Variants in NPAS2 observed in about 807,000 individuals in gnomAD.
The protein encoded by NPAS2 is neuronal PAS domain protein 2, also known as neuronal PAS domain-containing protein 2.
A neutral mutation model predicts 107.5 loss-of-function variants in NPAS2; 23 were observed. The observed-to-expected ratio is 0.21, with a 90% CI of 0.15 to 0.30. NPAS2 has a LOEUF of 0.30. NPAS2 is among the 10% of genes least tolerant of loss of function. NPAS2 has a pLI of 1.00. For missense variants in NPAS2, 756 were observed against 1,043.3 expected, an observed-to-expected ratio of 0.72 and a Z score of 3.79; for synonymous variants, 403 against 417.5, an observed-to-expected ratio of 0.97 and a Z score of 0.42.
intron 2 of NPAS2, among the ~76,000 whole-genome samples, chr2:100,913,515 G>C (rs1415496496): frequency 6.6e-6 from 1 of 152,198 alleles, no homozygotes; most frequent in Non-Finnish European, 1.5e-5. Flanking sequence ...AAGCCTGATA[G>C]ACGTTATGGA....
At chr2:100,842,539 T>G (rs1413283750) in intron 1 of NPAS2, among the ~76,000 whole-genome samples, 1 of 152,074 alleles carries the variant, frequency 6.6e-6, no homozygotes, top group Non-Finnish European at 1.5e-5. Context: ...GAAAGGGCCC[T>G]TTTCCCTGAC....
At chr2:100,831,953 C>G (rs998949558) in intron 1 of NPAS2, among the ~76,000 whole-genome samples, 1 of 152,036 alleles carries the variant, frequency 6.6e-6, no homozygotes, top group Admixed American at 6.6e-5. Flanking sequence ...TCATTTACCC[C>G]CTAGCATGCT....
At chr2:100,938,448 C>A (rs1041462133) in intron 5 of NPAS2, among the ~76,000 whole-genome samples, 9 of 152,002 alleles carry the variant, frequency 5.9e-5, no homozygotes, top group African/African-American at 2.2e-4. Flanking sequence ...ACGATGGAAG[C>A]TCCAAGGTGG....
At chr2:100,897,334 A>G (rs1008775406) in intron 1 of NPAS2, among the ~76,000 whole-genome samples, 3 of 152,210 alleles carry the variant, frequency 2.0e-5, no homozygotes, top group Admixed American at 2.0e-4. Flanking sequence ...ATCAAAGTAG[A>G]GAACCTGTTT....
rs201591122 is a variant in NPAS2 at position 100,995,535 on chromosome 2, G to T, written c.2428G>T (p.Val810Phe). 51 of 1,612,108 alleles carry T rather than the reference G, an allele frequency of 3.2e-5. No homozygotes were observed. The East Asian group carries it at 6.0e-4, about 19-fold the overall frequency. Residue 810 changes from valine to phenylalanine, a missense_variant, in exon 21 of 21, where the codon GTC becomes TTC. Coordinates refer to ENST00000335681, the MANE Select transcript of NPAS2 (RefSeq NM_002518.4). ...QPQPLRPPRR[V>F]SSLSESSGLQ... ...CCAGCCCCTACGTCCTCCCCGAAGG[G>T]TCAGCAGTCTGTCTGAGTCGTCAGG...
chr2:100,941,398 A>G (rs1287471959), intron 5 of NPAS2, among the ~76,000 whole-genome samples: 1 of 152,136 alleles, frequency 6.6e-6, no homozygotes, highest in Non-Finnish European at 1.5e-5. Flanking sequence ...ACCCGTCTCT[A>G]CAAAAAATCC....
intron 1 of NPAS2, among the ~76,000 whole-genome samples, chr2:100,852,789 A>T (rs1184929067): frequency 6.6e-6 from 1 of 152,030 alleles, no homozygotes; most frequent in Non-Finnish European, 1.5e-5. Context: ...GCAAGTATGG[A>T]CCCTTTCTGC....
chr2:100,829,714 T>TG (rs1462749846), intron 1 of NPAS2, among the ~76,000 whole-genome samples: 1 of 152,120 alleles, frequency 6.6e-6, no homozygotes, highest in Non-Finnish European at 1.5e-5. Context: ...GTGGTGAGAG[T>TG]GGGCATCCTC....
At chr2:100,951,117 T>C (rs1675200062) in intron 7 of NPAS2, among the ~76,000 whole-genome samples, 1 of 151,862 alleles carries the variant, frequency 6.6e-6, no homozygotes, top group African/African-American at 2.4e-5. Context: ...CGTTGGGGAG[T>C]ACTGTGGGGT....
chr2:100,917,263 A>C (rs1682942059), intron 2 of NPAS2, among the ~76,000 whole-genome samples: 1 of 152,252 alleles, frequency 6.6e-6, no homozygotes, highest in African/African-American at 2.4e-5. Context: ...ATGGTGGCTC[A>C]TGCCTGTAAT....
chr2:100,934,014 A>T (rs1300574703), intron 4 of NPAS2: 1 of 152,256 alleles, frequency 6.6e-6, no homozygotes, highest in Admixed American at 6.5e-5. Context: ...GTACTGGAGT[A>T]AGAAAATGCC....
chr2:100,943,925 A>G (rs970914868), intron 5 of NPAS2, among the ~76,000 whole-genome samples: 18 of 152,066 alleles, frequency 1.2e-4, no homozygotes, highest in African/African-American at 4.1e-4. Context: ...TGTTGCAAAT[A>G]CCCTCTCTCA....
chr2:100,949,250 C>T lies in NPAS2; in HGVS notation c.485-117C>T, dbSNP rs1025635107. ...CCAAAAGTCAGTCGTAGTGAGAGAA[C>T]TAGCCTGGCCATGTGTAGACTAAAT... On this transcript the variant is annotated intron_variant, in intron 6 of 20. Coordinates refer to ENST00000335681, the MANE Select transcript of NPAS2 (RefSeq NM_002518.4). The T allele has an allele frequency of 1.4e-5, 10 of 693,240 alleles. No individual in the cohort carries two copies. In the African/African-American group the frequency reaches 1.6e-4, roughly 11 times the overall value. 42.9% of individuals were successfully genotyped at this position (693,240 alleles called of 1,614,324 possible).
chr2:100,934,942 A>C (rs534074436), intron 4 of NPAS2: 2 of 985,316 alleles, frequency 2.0e-6, no homozygotes, highest in African/African-American at 3.5e-5. Flanking sequence ...GACAGAGCCC[A>C]GGAGATAACC....
At chr2:100,948,426 A>T in intron 6 of NPAS2, 71 bp downstream of exon 6, 1 of 1,359,668 alleles carries the variant, frequency 7.4e-7, no homozygotes. Flanking sequence ...GGTTAGAATG[A>T]ATTAAGAAGG....
At chr2:100,945,978 A>G (rs1573688035) in intron 5 of NPAS2, among the ~76,000 whole-genome samples, 1 of 152,276 alleles carries the variant, frequency 6.6e-6, no homozygotes, top group East Asian at 1.9e-4. Flanking sequence ...GTGGTGGTGA[A>G]CAAGGCACTG....
intron 15 of NPAS2, 73 bp from the exon 16 acceptor site, chr2:100,982,158 G>A (rs527955743): frequency 4.5e-6 from 7 of 1,554,152 alleles, no homozygotes; most frequent in East Asian, 2.3e-5. Flanking sequence ...TACAGACCGA[G>A]CAGCAGCAAG....
Position 100,925,124 on chromosome 2 carries a change from CCTG to C in NPAS2, c.33-19_33-17del. The C allele has an allele frequency of 4.4e-6, 7 of 1,598,336 alleles. No individual in the cohort carries two copies. The highest frequency in any genetic ancestry group is 1.3e-5 in the African/African-American group (1 of 74,560). On this transcript the variant is annotated intron_variant, in intron 2 of 20. Transcript: ENST00000335681. ...TTTGTGACGTGGAATGTTCCAGTAACCTGCTCGTTTTGTGTTTACAGAGCTTCT... is the reference window on the plus strand; with the variant it reads ...TTTGTGACGTGGAATGTTCCAGTAACCTCGTTTTGTGTTTACAGAGCTTCT...
intron 1 of NPAS2, among the ~76,000 whole-genome samples, chr2:100,865,577 T>C (rs1340397066): frequency 2.0e-5 from 3 of 152,176 alleles, no homozygotes; most frequent in Non-Finnish European, 4.4e-5. Flanking sequence ...CCATGACTTC[T>C]AGTTAAAATA....
Sources: allele counts gnomAD v4.1 joint callset (sites outside exome capture counted in the v4.1 genomes callset), GRCh38; gene constraint gnomAD v4.1.1; transcripts MANE v1.5; gene names NCBI Gene and HGNC (gene_info 2026-07-23, HGNC 2026-07-21).